ADAMTS13: variants seen among roughly 807,000 people sequenced by gnomAD.
The protein encoded by ADAMTS13 is A disintegrin and metalloproteinase with thrombospondin motifs 13.
In ADAMTS13, 110 loss-of-function variants were observed where a neutral mutation model predicts 155.1. The observed-to-expected ratio is 0.71, with a 90% CI of 0.61 to 0.83. The LOEUF (loss-of-function observed/expected upper bound fraction) is 0.83, where lower values mean the gene tolerates loss of function less well. ADAMTS13 is among the 40% of genes least tolerant of loss of function. The probability of loss-of-function intolerance (pLI) is 0.00; values close to 1 mark genes in which losing one functional copy is unlikely to be tolerated. For synonymous variants in ADAMTS13, 758 were observed against 756.4 expected (o/e 1.00, Z -0.03); for missense variants, 1,707 against 1,891.7 (o/e 0.90, Z 1.81).
upstream of ADAMTS13, among the ~76,000 whole-genome samples, chr9:133,420,479 G>T (rs909993486): frequency 6.6e-6 from 1 of 152,252 alleles, no homozygotes; most frequent in African/African-American, 2.4e-5. Flanking sequence ...GTCGTCTTTT[G>T]TAGAGAACTT....
At chr9:133,448,148 C>T (rs1842195676) in intron 21 of ADAMTS13, among the ~76,000 whole-genome samples, 1 of 152,030 alleles carries the variant, frequency 6.6e-6, no homozygotes, top group South Asian at 2.1e-4. Context: ...CACCACCACG[C>T]TCAGCTAATT....
chr9:133,430,305 G>A lies in ADAMTS13; in HGVS notation c.987+204G>A, dbSNP rs1588160758. The A allele has an allele frequency of 5.2e-6, 4 of 770,254 alleles. No homozygotes were observed. The East Asian group carries it at 1.1e-4, about 21-fold the overall frequency. 47.7% of individuals were successfully genotyped at this position (770,254 alleles called of 1,614,324 possible). On this transcript the variant is annotated intron_variant, in intron 8 of 28. Coordinates refer to ENST00000355699, the MANE Select transcript of ADAMTS13 (RefSeq NM_139027.6). ...AACAAAAGCTCCAACATTTTTGTTT[G>A]ACTGGGCCCCACAAATTATGTAGCT...
chr9:133,455,513 G>A, intron 25 of ADAMTS13, 78 bp downstream of exon 25: 1 of 1,611,824 alleles, frequency 6.2e-7, no homozygotes. Flanking sequence ...TGCCTCCCTG[G>A]AGTGGTCCCA....
chr9:133,439,274 C>A lies in ADAMTS13; in HGVS notation c.1706-92C>A. ...CTGGAGCCAGCCCCATGGCATTGTT[C>A]AATTTTTCCCGACCAGCTAAGATCA... On this transcript the variant is annotated intron_variant, in intron 14 of 28. Transcript: ENST00000355699. The A allele has an allele frequency of 4.9e-6, 5 of 1,029,226 alleles. No homozygotes were observed. In the South Asian group the frequency reaches 5.1e-5, roughly 10 times the overall value. 63.8% of individuals were successfully genotyped at this position (1,029,226 alleles called of 1,614,324 possible).
At chr9:133,458,185 A>G in intron 28 of ADAMTS13, 91 bp downstream of exon 28, 1 of 1,424,180 alleles carries the variant, frequency 7.0e-7, no homozygotes, top group Non-Finnish European at 9.6e-7. Flanking sequence ...TTTATTTCAG[A>G]CTAAAACCCT....
At chr9:133,451,494 G>A (rs976883079) in intron 23 of ADAMTS13, among the ~76,000 whole-genome samples, 5 of 152,150 alleles carry the variant, frequency 3.3e-5, no homozygotes, top group African/African-American at 1.2e-4. Flanking sequence ...CTGACCTCAG[G>A]AGATCTGCCT....
At chr9:133,417,976 A>T (rs1288804588), upstream of ADAMTS13, 5 of 789,216 alleles carry the variant, frequency 6.3e-6, no homozygotes, top group Non-Finnish European at 9.8e-6. Flanking sequence ...CGTCCAGGAA[A>T]AGACTCCGGA....
chr9:133,456,265 G>A lies in ADAMTS13; in HGVS notation c.3547+50G>A. 6.2e-7 allele frequency: 1 copy of A among 1,612,016 alleles called. No individual in the cohort carries two copies. The highest frequency in any genetic ancestry group is 1.1e-5 in the South Asian group (1 of 90,988). On this transcript the variant is annotated intron_variant, in intron 26 of 28. Transcript: ENST00000355699. This position sits in a 1 kb window ranked among gnomAD's most constrained non-coding sequence, Gnocchi z 4.4. ...TGCTGCCAGTTATGGGCCCTGCCAG[G>A]AGCCAGCACGACGCTGCATGCCCCA...
Position 133,445,074 on chromosome 9 carries a change from G to T in ADAMTS13, c.2610+22G>T. ...CCATGTGAGTGCCCTGGGCATGAGG[G>T]TGGCTGGGGCTGTTGAGTCCTTTAC... On this transcript the variant is annotated intron_variant, in intron 20 of 28. Transcript: ENST00000355699. This position sits in a 1 kb window ranked among gnomAD's most constrained non-coding sequence, Gnocchi z 5.0. 2 of 1,609,314 alleles carry T rather than the reference G, an allele frequency of 1.2e-6. No individual in the cohort carries two copies. Among genetic ancestry groups the T allele is most frequent in the Non-Finnish European group, 8.5e-7 (1 of 1,178,930 alleles).
Position 133,456,867 on chromosome 9 carries a change from A to G in ADAMTS13, c.3724+148A>G, listed in dbSNP as rs782173623. 3 of 1,053,970 alleles carry G rather than the reference A, an allele frequency of 2.8e-6. No individual in the cohort carries two copies. In the South Asian group the frequency reaches 4.1e-5, roughly 14 times the overall value. 65.3% of individuals were successfully genotyped at this position (1,053,970 alleles called of 1,614,324 possible). A position where few individuals can be genotyped will look rare whatever the true frequency, so the allele number is the denominator to read the frequency against. On this transcript the variant is annotated intron_variant, in intron 27 of 28. Transcript: ENST00000355699. This position sits in a 1 kb window ranked among gnomAD's most constrained non-coding sequence, Gnocchi z 4.4. ...GAGATGGAAGGAACTGGGGTTGGCC[A>G]GTGTCAGTCTGCACGTGCCAGGGAG...
rs1291133178 is a variant in ADAMTS13, at chr9:133,422,472, G to A, written c.29G>A (p.Cys10Tyr). The A allele has an allele frequency of 1.9e-6, 3 of 1,613,910 alleles. No homozygotes were observed. The highest frequency in any genetic ancestry group is 2.7e-5 in the African/African-American group (2 of 74,938). Reference protein sequence around the residue: MHQRHPRARCPPLCVAGILA... With the variant: MHQRHPRARYPPLCVAGILA... Reference sequence around the variant, plus strand: ...CACCAGCGTCACCCCCGGGCAAGATGCCCTCCCCTCTGTGTGGCCGGAATC... The same window carrying A: ...CACCAGCGTCACCCCCGGGCAAGATACCCTCCCCTCTGTGTGGCCGGAATC... Residue 10 changes from cysteine (C) to tyrosine (Y), a missense_variant, in exon 1 of 29, where the codon TGC becomes TAC. Physicochemically the swap from Cys to Tyr is radical, Grantham distance 194. Transcript: ENST00000355699.
exon 1 of ADAMTS13, chr9:133,414,597 C>G (rs1554781069): frequency 7.1e-7 from 1 of 1,414,910 alleles, no homozygotes; most frequent in Non-Finnish European, 1.0e-6. Flanking sequence ...CACCAGCCTC[C>G]ATAAGGAGAC....
In ADAMTS13 at chr9:133,438,293, G is replaced by T. The variant is rs142282539; in HGVS notation, c.1632G>T (p.Arg544Ser). Reference sequence around the variant, plus strand: ...TGGACTCCCAGCAGGTATGGGACAGGTGCCAGGTGTGTGGTGGGGACAACA... The same window carrying T: ...TGGACTCCCAGCAGGTATGGGACAGTTGCCAGGTGTGTGGTGGGGACAACA... The part of the protein sequence containing the change: ...GRMDSQQVWD[R>S]CQVCGGDNST... Residue 544 changes from arginine to serine, a missense_variant, in exon 14 of 29, where the codon AGG (arginine) becomes AGT (serine). Transcript: ENST00000355699. 2.4e-4 allele frequency: 389 copies of T among 1,614,056 alleles called. No homozygotes were observed. The highest frequency in any genetic ancestry group is 3.1e-4 in the Non-Finnish European group (363 of 1,180,036).
chr9:133,440,590 G>C lies in ADAMTS13; in HGVS notation c.1968+65G>C. Reference sequence around the variant, plus strand: ...TCTTGGGGGCTATGGCTGCTTGCTCGTTTGTCTATCCATCCATTCCCTGAT... The same window carrying C: ...TCTTGGGGGCTATGGCTGCTTGCTCCTTTGTCTATCCATCCATTCCCTGAT... On this transcript the variant is annotated intron_variant, in intron 16 of 28. Coordinates refer to ENST00000355699, the MANE Select transcript of ADAMTS13 (RefSeq NM_139027.6). This position sits in a 1 kb window ranked among gnomAD's most constrained non-coding sequence, Gnocchi z 4.3. The C allele has an allele frequency of 1.4e-6, 2 of 1,475,734 alleles. No homozygotes were observed. Among genetic ancestry groups the C allele is most frequent in the Non-Finnish European group, 1.8e-6 (2 of 1,102,950 alleles). 91.4% of individuals were successfully genotyped at this position (1,475,734 alleles called of 1,614,324 possible).
At chr9:133,435,584 C>T (rs910840776) in intron 11 of ADAMTS13, among the ~76,000 whole-genome samples, 7 of 149,374 alleles carry the variant, frequency 4.7e-5, no homozygotes, top group East Asian at 1.9e-4. Context: ...AGCTGGAGTG[C>T]GGTGGCGCGA....
rs782647983 is a variant in ADAMTS13 at position 133,439,393 on chromosome 9, C to T, written c.1733C>T (p.Pro578Leu). The T allele has an allele frequency of 1.2e-6, 2 of 1,614,098 alleles. No individual in the cohort carries two copies. The highest frequency in any genetic ancestry group is 1.3e-5 in the African/African-American group (1 of 75,060). Residue 578 changes from proline to leucine, a missense_variant, in exon 15 of 29, where the codon CCC becomes CTC. Pro to Leu is a moderately conservative substitution (Grantham distance 98). Coordinates refer to ENST00000355699, the MANE Select transcript of ADAMTS13 (RefSeq NM_139027.6). ...TATGTCACGTTTCTGACAGTTACCC[C>T]CAACCTGACCAGTGTCTACATTGCC... ...REYVTFLTVT[P>L]NLTSVYIANH...
At chr9:133,426,377 T>G in intron 6 of ADAMTS13, 32 bp downstream of exon 6, 1 of 1,598,664 alleles carries the variant, frequency 6.3e-7, no homozygotes, top group Non-Finnish European at 8.5e-7. Flanking sequence ...CCCCAGGATC[T>G]GGCAAGGAGC....
rs1459189260 is a variant in ADAMTS13, at chr9:133,441,248, TA to T, written c.1968+724del. 2.6e-5 allele frequency among the ~76,000 whole-genome samples: 4 copies of T among 152,098 alleles called. No homozygotes were observed. The highest frequency in any genetic ancestry group is 5.9e-5 in the Non-Finnish European group (4 of 67,998). On this transcript the variant is annotated intron_variant, in intron 16 of 28. Transcript: ENST00000355699. This position sits in a 1 kb window ranked among gnomAD's most constrained non-coding sequence, Gnocchi z 5.0. ...CGGCCGGAGCAGCGTCCTCTGCCCC[TA>T]CAGCAGCCAGAGACAGGAGGGCCTC...
Position 133,449,794 on chromosome 9 carries a change from A to G in ADAMTS13, c.2873A>G (p.Lys958Arg), listed in dbSNP as rs1842315645. The change falls in exon 23 of 29, where the codon AAG becomes AGG. Residue 958 changes from lysine (K) to arginine (R), a missense_variant. Physicochemically the swap from Lys to Arg is conservative, Grantham distance 26. Coordinates refer to ENST00000355699, the MANE Select transcript of ADAMTS13 (RefSeq NM_139027.6). ...AVPCPARWQY[K>R]LAACSVSCGR... ...CCAGTTTGCTCCAGGTGGCAGTACA[A>G]GCTGGCGGCCTGCAGCGTGAGCTGT... The G allele has an allele frequency of 2.5e-6, 4 of 1,613,820 alleles. No homozygotes were observed. Among genetic ancestry groups the G allele is most frequent in the African/African-American group, 2.7e-5 (2 of 74,940 alleles).
Sources: allele counts gnomAD v4.1 joint callset (sites outside exome capture counted in the v4.1 genomes callset), GRCh38; gene constraint gnomAD v4.1.1; non-coding constraint Gnocchi (gnomAD v3.1); transcripts MANE v1.5; gene names NCBI Gene and HGNC (gene_info 2026-07-23, HGNC 2026-07-21).